TTC7A: variants seen among roughly 807,000 people sequenced by gnomAD.
The protein encoded by TTC7A is tetratricopeptide repeat domain 7A.
In TTC7A, 110 loss-of-function variants were observed where a neutral mutation model predicts 103.7. The ratio of observed to expected loss-of-function variants is 1.06; its 90% CI spans 0.91 to 1.24. TTC7A has a LOEUF of 1.24. Ranked by LOEUF, TTC7A falls within the 50% of genes most tolerant of loss-of-function variation. TTC7A has a pLI of 0.00. For synonymous variants in TTC7A, 521 were observed against 467.9 expected (o/e 1.11, Z -1.47); for missense variants, 1,340 against 1,116.3 (o/e 1.20, Z -2.86).
At chr2:46,980,933 C>T (rs976363996) in intron 5 of TTC7A, among the ~76,000 whole-genome samples, 4 of 152,192 alleles carry the variant, frequency 2.6e-5, no homozygotes, top group African/African-American at 9.6e-5. Context: ...GTGGAAGAGG[C>T]GCATAGGGCT....
chr2:46,940,383 G>A (rs1212078130), upstream of TTC7A, among the ~76,000 whole-genome samples: 1 of 152,096 alleles, frequency 6.6e-6, no homozygotes, highest in Non-Finnish European at 1.5e-5. This position sits in a 1 kb window ranked among gnomAD's most constrained non-coding sequence, Gnocchi z 4.7. Flanking sequence ...ACTGGTCTGT[G>A]AGCTGCGGCG....
intron 9 of TTC7A, 60 bp downstream of exon 9, chr2:47,006,119 C>T: frequency 1.3e-6 from 2 of 1,584,650 alleles, no homozygotes; most frequent in Non-Finnish European, 1.7e-6. Flanking sequence ...TAAAGGAAAT[C>T]AGACAGAGCC....
intron 1 of TTC7A, among the ~76,000 whole-genome samples, chr2:46,945,012 T>A (rs1178751303): frequency 6.6e-6 from 1 of 152,198 alleles, no homozygotes; most frequent in African/African-American, 2.4e-5. Context: ...GTTATGAAAA[T>A]TTCAAATATA....
At chr2:46,992,235 G>T (rs1172042549) in intron 5 of TTC7A, among the ~76,000 whole-genome samples, 1 of 152,340 alleles carries the variant, frequency 6.6e-6, no homozygotes, top group East Asian at 1.9e-4. Context: ...GAGCTGCTGG[G>T]TGGAGCTTTA....
At chr2:47,037,778 G>A (rs867154909) in intron 15 of TTC7A, among the ~76,000 whole-genome samples, 2 of 152,208 alleles carry the variant, frequency 1.3e-5, no homozygotes, top group Admixed American at 6.5e-5. Flanking sequence ...CAGAGGCACA[G>A]AGGACCTAAG....
chr2:47,006,104 G>A (rs948616051), intron 9 of TTC7A, 45 bp downstream of exon 9: 2 of 1,599,090 alleles, frequency 1.3e-6, no homozygotes, highest in African/African-American at 1.3e-5. Flanking sequence ...GAGTCAGGTG[G>A]TCTGTAAAGG....
intron 8 of TTC7A, among the ~76,000 whole-genome samples, chr2:46,997,420 G>T (rs1676319235): frequency 1.3e-5 from 2 of 152,114 alleles, no homozygotes; most frequent in Non-Finnish European, 2.9e-5. Context: ...TGCGCATTAT[G>T]TTGAGTCATA....
chr2:47,017,820 C>T (rs1678835093), intron 11 of TTC7A, among the ~76,000 whole-genome samples: 1 of 152,090 alleles, frequency 6.6e-6, no homozygotes, highest in African/African-American at 2.4e-5. Context: ...CCCAATTTGT[C>T]ATGTAGCTAT....
At chr2:46,977,256 G>A (rs1673972150) in intron 4 of TTC7A, among the ~76,000 whole-genome samples, 1 of 152,210 alleles carries the variant, frequency 6.6e-6, no homozygotes, top group African/African-American at 2.4e-5. Context: ...AGTTGAGGGA[G>A]GGCAGGCCAC....
At chr2:47,038,123 G>A (rs918758823) in intron 15 of TTC7A, among the ~76,000 whole-genome samples, 2 of 152,102 alleles carry the variant, frequency 1.3e-5, no homozygotes, top group Non-Finnish European at 2.9e-5. Context: ...GCCAGGCGTG[G>A]TGGCGCATGC....
chr2:47,068,886 A>AAG (rs1684416915), intron 19 of TTC7A, among the ~76,000 whole-genome samples: 1 of 32,358 alleles, frequency 3.1e-5, no homozygotes, highest in Admixed American at 2.9e-4. Flanking sequence ...AAAAAAAAAA[A>AAG]AGAAAGACTC....
chr2:47,019,474 C>G (rs1235554427), intron 11 of TTC7A, among the ~76,000 whole-genome samples: 1 of 151,976 alleles, frequency 6.6e-6, no homozygotes, highest in South Asian at 2.1e-4. Flanking sequence ...AATGCTGACA[C>G]CAGGCTTAGA....
At chr2:47,029,822 A>C (rs942865435) in intron 15 of TTC7A, among the ~76,000 whole-genome samples, 1 of 152,196 alleles carries the variant, frequency 6.6e-6, no homozygotes, top group Non-Finnish European at 1.5e-5. Flanking sequence ...ATGGCCCTCC[A>C]AGGTGGTCCT....
chr2:47,047,466 G>C, intron 16 of TTC7A: 1 of 622,904 alleles, frequency 1.6e-6, no homozygotes, highest in Non-Finnish European at 2.8e-6. Context: ...GGACTTTTCA[G>C]AATGAGAATT....
chr2:46,999,431 A>G (rs1676566134), intron 8 of TTC7A: 1 of 957,378 alleles, frequency 1.0e-6, no homozygotes, highest in South Asian at 4.8e-5. Context: ...CTACCTACCC[A>G]TTCATCCATT....
intron 3 of TTC7A, among the ~76,000 whole-genome samples, chr2:46,969,408 G>A (rs1045401309): frequency 2.6e-5 from 4 of 152,014 alleles, no homozygotes; most frequent in African/African-American, 9.7e-5. Context: ...TCGGGAGGCT[G>A]AGGCAGGAGA....
chr2:47,020,391 C>G (rs1161175540), intron 11 of TTC7A, among the ~76,000 whole-genome samples: 2 of 152,228 alleles, frequency 1.3e-5, no homozygotes, highest in African/African-American at 2.4e-5. Flanking sequence ...GTCCACCTGG[C>G]CGGCTGAGGC....
Position 47,051,870 on chromosome 2 carries a change from G to A in TTC7A, c.2142G>A (p.Trp714Ter). The A allele has an allele frequency of 6.2e-7, 1 of 1,609,688 alleles. No homozygotes were observed. The highest frequency in any genetic ancestry group is 8.5e-7 in the Non-Finnish European group (1 of 1,178,368). ...MQLWTTLEQI[W>*]LQAAELFMEQ... ...TGTGGACCACGCTGGAACAGATCTG[G>A]CTGCAGGCTGGTGAGTGCCCTGGTC... The change falls in exon 18 of 20, where the codon TGG becomes TGA. Residue 714 changes from tryptophan to a stop codon, truncating the protein, a stop_gained. Transcript: ENST00000319190. LOFTEE classifies it high-confidence loss of function.
At chr2:47,023,050 C>G (rs996305127) in intron 12 of TTC7A, among the ~76,000 whole-genome samples, 6 of 152,216 alleles carry the variant, frequency 3.9e-5, no homozygotes, top group Non-Finnish European at 8.8e-5. Flanking sequence ...GTTCAAACTT[C>G]CTAGTGGGTC....
Sources: gnomAD v4.1 joint callset for allele counts (sites outside exome capture counted in the v4.1 genomes callset) on GRCh38, gnomAD v4.1.1 for gene constraint, Gnocchi (gnomAD v3.1) non-coding constraint, MANE v1.5 for transcripts, NCBI Gene and HGNC (gene_info 2026-07-23, HGNC 2026-07-21) for gene names.